Variants in BLM observed in about 807,000 individuals in gnomAD.
The protein encoded by BLM is recQ-like DNA helicase BLM.
BLM carries 95 observed loss-of-function variants against 135.3 expected under a neutral mutation model. The observed-to-expected ratio is 0.70, with a 90% CI of 0.59 to 0.83. BLM has a LOEUF of 0.83. BLM is among the 40% of genes least tolerant of loss of function. The pLI is 0.00. For synonymous variants in BLM, 520 were observed against 589.2 expected (o/e 0.88, Z 1.70); for missense variants, 1,518 against 1,663.9 (o/e 0.91, Z 1.53).
intron 4 of BLM, among the ~76,000 whole-genome samples, chr15:90,753,549 A>G (rs1372948723): frequency 6.6e-6 from 1 of 152,160 alleles, no homozygotes; most frequent in Non-Finnish European, 1.5e-5. Context: ...TCCAAGGTAG[A>G]CTCTCTTTGT....
chr15:90,756,660 G>C (rs181706165), intron 5 of BLM, among the ~76,000 whole-genome samples: 1 of 152,252 alleles, frequency 6.6e-6, no homozygotes, highest in African/African-American at 2.4e-5. Flanking sequence ...TTCCCTCTTG[G>C]CTTACAACAG....
At chr15:90,718,630 C>T (rs1011458887) in intron 1 of BLM, among the ~76,000 whole-genome samples, 1 of 152,186 alleles carries the variant, frequency 6.6e-6, no homozygotes, top group Non-Finnish European at 1.5e-5. Flanking sequence ...CAGACAGTAG[C>T]TTATAATCTA....
intron 7 of BLM, 121 bp downstream of exon 7, chr15:90,761,376 A>C (rs2097067948): frequency 2.6e-6 from 2 of 774,258 alleles, no homozygotes; most frequent in Non-Finnish European, 3.7e-6. Flanking sequence ...GCAAATTTCT[A>C]CTGATGATAT....
intron 17 of BLM, among the ~76,000 whole-genome samples, chr15:90,801,910 A>G (rs28385129): frequency 0.15 from 23,314 of 152,026 alleles, 1,881 homozygotes; most frequent in Non-Finnish European, 0.19. Context: ...ACAAAAATTA[A>G]TCAGGCATGG....
chr15:90,811,945 A>C (rs1897432496), intron 21 of BLM, among the ~76,000 whole-genome samples: 1 of 152,206 alleles, frequency 6.6e-6, no homozygotes, highest in Non-Finnish European at 1.5e-5. Flanking sequence ...GACGTGAGCC[A>C]CCGCACTCAG....
In BLM at chr15:90,790,764, C is replaced by T. The variant is rs1215029737; in HGVS notation, c.2939C>T (p.Ala980Val). 6.2e-7 allele frequency: 1 copy of T among 1,614,136 alleles called. No individual in the cohort carries two copies. The highest frequency in any genetic ancestry group is 2.2e-5 in the East Asian group (1 of 44,876). The change falls in exon 15 of 22, where the codon GCT becomes GTT. Residue 980 changes from alanine to valine, a missense_variant. Physicochemically the swap from Ala to Val is moderately conservative, Grantham distance 64. Coordinates refer to ENST00000355112, the MANE Select transcript of BLM (RefSeq NM_000057.4). ...VEGYYQESGRAGRDGEISHCL... is the reference protein window; with the variant it reads ...VEGYYQESGRVGRDGEISHCL... ...GGTTACTACCAAGAATCTGGCAGAG[C>T]TGGAAGAGATGGGGAAATATCTCAC...
intron 1 of BLM, among the ~76,000 whole-genome samples, chr15:90,742,606 C>CT (rs547597837): frequency 3.9e-4 from 58 of 150,026 alleles, no homozygotes; most frequent in African/African-American, 7.5e-4. Flanking sequence ...CTCTCTCTCT[C>CT]TTTTTTTTTT....
At chr15:90,734,330 C>T (rs535358380) in intron 1 of BLM, among the ~76,000 whole-genome samples, 32 of 151,664 alleles carry the variant, frequency 2.1e-4, no homozygotes, top group Non-Finnish European at 3.8e-4. Flanking sequence ...CCCTGTCGCC[C>T]AGGCTGAAGT....
At position 90,761,121 on chromosome 15, in the gene BLM, C is replaced by T. The variant is rs1895974694; in HGVS notation, c.1748C>T (p.Ala583Val). 2.6e-6 allele frequency: 4 copies of T among 1,540,394 alleles called. No individual in the cohort carries two copies. Among genetic ancestry groups the T allele is most frequent in the Non-Finnish European group, 8.7e-7 (1 of 1,149,370 alleles). The change falls in exon 7 of 22, where the codon GCC becomes GTC. Residue 583 changes from alanine to valine, a missense_variant. Physicochemically the swap from Ala to Val is moderately conservative, Grantham distance 64 (BLOSUM62 0). Coordinates refer to ENST00000355112, the MANE Select transcript of BLM (RefSeq NM_000057.4). ...GCAGCCAGCAAATCTTCCACAGCTG[C>T]CTATCAACCCATCAAGGAAGGTCGG... is the stretch of plus-strand genomic sequence containing the variant. ...NLAASKSSTA[A>V]YQPIKEGRPI...
intron 1 of BLM, among the ~76,000 whole-genome samples, chr15:90,721,946 T>A (rs1894777848): frequency 6.6e-6 from 1 of 151,394 alleles, no homozygotes; most frequent in Non-Finnish European, 1.5e-5. Flanking sequence ...AAAAAAATTT[T>A]CTTTATTATG....
chr15:90,756,107 C>CTT (rs367589024), intron 5 of BLM, among the ~76,000 whole-genome samples: 8 of 143,186 alleles, frequency 5.6e-5, no homozygotes, highest in African/African-American at 7.6e-5. Context: ...AGGTAGTTTC[C>CTT]TTTTTTTTTT....
At chr15:90,744,886 C>T (rs184352618) in intron 1 of BLM, among the ~76,000 whole-genome samples, 3 of 151,778 alleles carry the variant, frequency 2.0e-5, no homozygotes, top group Non-Finnish European at 4.4e-5. Context: ...CCCATCTCTA[C>T]CAAAAATACA....
chr15:90,778,908 C>T (rs1243899983), intron 12 of BLM, among the ~76,000 whole-genome samples: 3 of 103,088 alleles, frequency 2.9e-5, no homozygotes, highest in East Asian at 2.9e-4. Flanking sequence ...TTTTTTGAGA[C>T]GGAGTCTCAC....
At chr15:90,803,163 T>TAAA (rs71463769) in intron 17 of BLM, among the ~76,000 whole-genome samples, 1 of 133,934 alleles carries the variant, frequency 7.5e-6, no homozygotes, top group Non-Finnish European at 1.6e-5. Context: ...ACCCTGTCTC[T>TAAA]AAAAAAAAAA....
At chr15:90,809,566 C>T (rs998527951) in intron 20 of BLM, among the ~76,000 whole-genome samples, 3 of 152,180 alleles carry the variant, frequency 2.0e-5, no homozygotes, top group Non-Finnish European at 2.9e-5. Context: ...TCTGCCACCA[C>T]GTCATGCTGT....
intron 5 of BLM, among the ~76,000 whole-genome samples, chr15:90,758,171 T>C (rs893359263): frequency 1.3e-5 from 2 of 148,278 alleles, no homozygotes; most frequent in Admixed American, 6.7e-5. Context: ...TGAGCCACCA[T>C]ACCCAGGCGC....
At chr15:90,788,516 T>C (rs1029683496) in intron 14 of BLM, among the ~76,000 whole-genome samples, 4 of 150,500 alleles carry the variant, frequency 2.7e-5, no homozygotes, top group African/African-American at 9.7e-5. Context: ...CTTTTCCCTT[T>C]GATAAACTTT....
chr15:90,790,263 G>C (rs1896871488), intron 14 of BLM: 1 of 306,898 alleles, frequency 3.3e-6, no homozygotes, highest in Non-Finnish European at 6.2e-6. Flanking sequence ...GCAACACGTT[G>C]CTTGTGATCA....
chr15:90,814,835 T>G (rs1252322763), intron 21 of BLM, among the ~76,000 whole-genome samples: 1 of 151,996 alleles, frequency 6.6e-6, no homozygotes, highest in Non-Finnish European at 1.5e-5. Context: ...AGAGGGGCGG[T>G]GGGTTGGTCA....
Sources: gnomAD v4.1 joint callset for allele counts (sites outside exome capture counted in the v4.1 genomes callset) on GRCh38, gnomAD v4.1.1 for gene constraint, MANE v1.5 for transcripts, NCBI Gene and HGNC (gene_info 2026-07-23, HGNC 2026-07-21) for gene names.